ACTR3B: variants seen among roughly 807,000 people sequenced by gnomAD.
ACTR3B encodes actin related protein 3B.
Under a neutral mutation model 59.0 loss-of-function variants are expected in ACTR3B, and 8 were observed. That is an observed-to-expected ratio of 0.14 (90% CI 0.08 to 0.24). The LOEUF (loss-of-function observed/expected upper bound fraction) is 0.24, where lower values mean the gene tolerates loss of function less well. ACTR3B is among the 10% of genes least tolerant of loss of function. The pLI, the probability that ACTR3B is intolerant of heterozygous loss-of-function variation, is 1.00. For missense variants in ACTR3B, 245 were observed against 552.3 expected (o/e 0.44, Z 5.58); for synonymous variants, 148 against 197.9 (o/e 0.75, Z 2.12).
At chr7:152,769,213 C>CTCCTA (rs2098118463) in intron 1 of ACTR3B, among the ~76,000 whole-genome samples, 1 of 152,156 alleles carries the variant, frequency 6.6e-6, no homozygotes, top group Non-Finnish European at 1.5e-5. Flanking sequence ...ATACTAAGGC[C>CTCCTA]TCCTATTGTT....
rs561556565 is a variant in ACTR3B, at chr7:152,788,993, G to C, written c.100+5751G>C. Among the ~76,000 whole-genome samples the C allele has an allele frequency of 3.9e-5, 6 of 152,256 alleles. No homozygotes were observed. The South Asian group carries it at 1.0e-3, about 26-fold the overall frequency. ...GCTGAGATTGCGTCACCGCACTCCAGCCTGGGCAGCAGAACCAGACGCTGT... is the reference window on the plus strand; with the variant it reads ...GCTGAGATTGCGTCACCGCACTCCACCCTGGGCAGCAGAACCAGACGCTGT... On this transcript the variant is annotated intron_variant, in intron 2 of 11. Transcript: ENST00000256001.
At chr7:152,800,991 C>T (rs927471920) in intron 3 of ACTR3B, among the ~76,000 whole-genome samples, 12 of 152,174 alleles carry the variant, frequency 7.9e-5, no homozygotes, top group African/African-American at 2.2e-4. Context: ...GAAACACTAA[C>T]GTTATTTAAG....
intron 4 of ACTR3B, among the ~76,000 whole-genome samples, chr7:152,804,834 C>T (rs533937139): frequency 6.6e-6 from 1 of 152,128 alleles, no homozygotes; most frequent in Non-Finnish European, 1.5e-5. Context: ...GTTAGGTTGC[C>T]CTCAGTCCAG....
intron 10 of ACTR3B, among the ~76,000 whole-genome samples, chr7:152,853,079 C>T (rs1798957466): frequency 6.6e-6 from 1 of 151,992 alleles, no homozygotes; most frequent in Admixed American, 6.6e-5. Flanking sequence ...GTGCGAGCTA[C>T]CACGCCCGGC....
chr7:152,779,527 T>C (rs1421663800), intron 1 of ACTR3B, among the ~76,000 whole-genome samples: 1 of 152,230 alleles, frequency 6.6e-6, no homozygotes, highest in Non-Finnish European at 1.5e-5. Context: ...TGCTACATTG[T>C]TACTAGCTAG....
intron 9 of ACTR3B, among the ~76,000 whole-genome samples, chr7:152,845,010 G>T (rs1798158653): frequency 6.8e-6 from 1 of 148,134 alleles, no homozygotes; most frequent in South Asian, 2.2e-4. Flanking sequence ...CTCATACAGT[G>T]GTCGACCTGG....
intron 9 of ACTR3B, among the ~76,000 whole-genome samples, chr7:152,829,712 C>G (rs1312864982): frequency 1.3e-5 from 2 of 152,106 alleles, no homozygotes; most frequent in African/African-American, 2.4e-5. Context: ...AGCCTGGACA[C>G]CTGGATGGTA....
intron 1 of ACTR3B, among the ~76,000 whole-genome samples, chr7:152,780,398 C>T (rs1479134578): frequency 6.7e-6 from 1 of 150,024 alleles, no homozygotes; most frequent in African/African-American, 2.5e-5. Flanking sequence ...TTGCCTCGGT[C>T]ACGAAAATCA....
At chr7:152,833,312 T>C (rs1238357031) in intron 9 of ACTR3B, among the ~76,000 whole-genome samples, 2 of 152,248 alleles carry the variant, frequency 1.3e-5, no homozygotes, top group African/African-American at 4.8e-5. Context: ...TAGGACACCG[T>C]TGGGTATCAT....
At chr7:152,837,367 A>G (rs560573504) in intron 9 of ACTR3B, among the ~76,000 whole-genome samples, 11 of 152,276 alleles carry the variant, frequency 7.2e-5, no homozygotes, top group Non-Finnish European at 1.3e-4. Flanking sequence ...AGGTGAAACA[A>G]GCATAGGTGA....
chr7:152,826,996 A>G (rs547256913), intron 9 of ACTR3B, among the ~76,000 whole-genome samples: 3 of 151,824 alleles, frequency 2.0e-5, no homozygotes, highest in Non-Finnish European at 4.4e-5. Flanking sequence ...TAAAATGCGG[A>G]GGGAAGAGGA....
At chr7:152,832,122 C>T (rs962567255) in intron 9 of ACTR3B, among the ~76,000 whole-genome samples, 32 of 151,960 alleles carry the variant, frequency 2.1e-4, no homozygotes, top group African/African-American at 6.3e-4. Flanking sequence ...TGGAGGAAGC[C>T]GGGAGAGGAG....
chr7:152,779,170 T>C (rs2098143880), intron 1 of ACTR3B, among the ~76,000 whole-genome samples: 1 of 152,090 alleles, frequency 6.6e-6, no homozygotes, highest in African/African-American at 2.4e-5. Flanking sequence ...AGTTCTAAGC[T>C]GGTTGACCAC....
intron 5 of ACTR3B, among the ~76,000 whole-genome samples, chr7:152,814,907 A>G (rs1456236527): frequency 6.6e-6 from 1 of 152,114 alleles, no homozygotes; most frequent in African/African-American, 2.4e-5. Flanking sequence ...TCTGGGTGAC[A>G]AGATATAGGT....
intron 2 of ACTR3B, among the ~76,000 whole-genome samples, chr7:152,795,832 A>G (rs2098214376): frequency 6.7e-6 from 1 of 149,406 alleles, no homozygotes; most frequent in African/African-American, 2.5e-5. Context: ...CTGAAAGGCA[A>G]CTTAGTAGCT....
intron 1 of ACTR3B, among the ~76,000 whole-genome samples, chr7:152,782,942 A>G (rs1264888496): frequency 6.6e-6 from 1 of 151,894 alleles, no homozygotes; most frequent in East Asian, 1.9e-4. Flanking sequence ...ATATGTTAGT[A>G]TATATGTGTT....
In ACTR3B at chr7:152,795,306, C is replaced by T. The variant is rs151193203; in HGVS notation, c.101-5225C>T. On this transcript the variant is annotated intron_variant, in intron 2 of 11. Transcript: ENST00000256001. ...AGGTGATCTGCCCAACTTGGCCTCC[C>T]ACAGTGCTGGGATTACAGGCGTGAG... Among the ~76,000 whole-genome samples, 1,088 of 152,350 alleles carry T rather than the reference C, an allele frequency of 7.1e-3. 9 individuals carry two copies. Among genetic ancestry groups the T allele is most frequent in the Middle Eastern group, 0.02 (6 of 294 alleles).
At chr7:152,783,413 C>T (rs1248096646) in intron 2 of ACTR3B, among the ~76,000 whole-genome samples, 171 bp downstream of exon 2, 13 of 152,268 alleles carry the variant, frequency 8.5e-5, no homozygotes, top group Admixed American at 7.8e-4. Context: ...TGATAAAGCC[C>T]CTTGTCACTG....
intron 2 of ACTR3B, among the ~76,000 whole-genome samples, chr7:152,789,067 C>CAGCAACAACA (rs1590256098): frequency 9.3e-3 from 348 of 37,576 alleles, no homozygotes; most frequent in East Asian, 0.022. Flanking sequence ...CAACAACAAA[C>CAGCAACAACA]AACAACAACA....
Sources: allele counts gnomAD v4.1 joint callset (sites outside exome capture counted in the v4.1 genomes callset), GRCh38; gene constraint gnomAD v4.1.1; transcripts MANE v1.5; gene names NCBI Gene and HGNC (gene_info 2026-07-23, HGNC 2026-07-21).